Variants in TMED10 observed in about 807,000 individuals in gnomAD.
TMED10 encodes transmembrane emp24 domain-containing protein 10.
Under a neutral mutation model 23.1 loss-of-function variants are expected in TMED10, and 7 were observed. The ratio of observed to expected loss-of-function variants is 0.30; its 90% CI spans 0.17 to 0.57. TMED10 has a LOEUF of 0.57. TMED10 is among the 20% of genes least tolerant of loss of function. The pLI is 0.91. For missense variants in TMED10, 162 were observed against 274.8 expected (o/e 0.59, Z 2.90); for synonymous variants, 113 against 106.9 (o/e 1.06, Z -0.35).
chr14:75,164,185 C>G (rs1432114673), intron 1 of TMED10, among the ~76,000 whole-genome samples: 1 of 151,574 alleles, frequency 6.6e-6, no homozygotes, highest in South Asian at 2.1e-4. Context: ...TGTGCCTCAG[C>G]CTCCAGAGTA....
chr14:75,161,669 G>A (rs775614107), intron 1 of TMED10, among the ~76,000 whole-genome samples: 5 of 152,076 alleles, frequency 3.3e-5, no homozygotes, highest in Admixed American at 6.6e-5. Context: ...CTGATCTAAT[G>A]CAGAGGTGAG....
intron 1 of TMED10, among the ~76,000 whole-genome samples, chr14:75,175,497 A>T (rs1441042650): frequency 1.3e-5 from 2 of 152,042 alleles, no homozygotes; most frequent in Non-Finnish European, 2.9e-5. Flanking sequence ...AAGGACAGAA[A>T]ACCAAACACC....
At chr14:75,139,170 T>C (rs1255739238) in intron 3 of TMED10, 1 of 452,858 alleles carries the variant, frequency 2.2e-6, no homozygotes, top group Non-Finnish European at 4.4e-6. Context: ...TGAGACACTA[T>C]GCTTTTGTAT....
intron 1 of TMED10, among the ~76,000 whole-genome samples, chr14:75,164,432 C>A (rs546269137): frequency 9.4e-5 from 14 of 149,192 alleles, no homozygotes; most frequent in Admixed American, 8.1e-4. Context: ...AGGGTTTCAC[C>A]ATGTTGGCCA....
intron 1 of TMED10, among the ~76,000 whole-genome samples, chr14:75,164,568 TATA>T (rs1184205977): frequency 6.7e-3 from 20 of 2,988 alleles, no homozygotes; most frequent in Non-Finnish European, 0.012. Context: ...TATATATATA[TATA>T]TATATATTTT....
intron 3 of TMED10, 141 bp from the exon 4 acceptor site, chr14:75,136,027 T>C: frequency 7.2e-6 from 9 of 1,246,854 alleles, no homozygotes; most frequent in Non-Finnish European, 6.5e-6. Context: ...ATTTTAAAAT[T>C]TGGGCTTCTT....
intron 1 of TMED10, among the ~76,000 whole-genome samples, chr14:75,166,523 T>C (rs572417484): frequency 9.8e-5 from 15 of 152,314 alleles, no homozygotes; most frequent in African/African-American, 3.1e-4. Context: ...CATAAAGATA[T>C]GGTGTAGCAA....
chr14:75,160,147 C>T (rs1051422323), intron 1 of TMED10, among the ~76,000 whole-genome samples: 12 of 152,152 alleles, frequency 7.9e-5, no homozygotes, highest in African/African-American at 2.2e-4. Context: ...ACTCATATGG[C>T]CTGTTTGGGC....
chr14:75,166,096 G>GT (rs750752632), intron 1 of TMED10, among the ~76,000 whole-genome samples: 114 of 151,954 alleles, frequency 7.5e-4, no homozygotes, highest in Non-Finnish European at 1.0e-3. Context: ...CAGATCAAAT[G>GT]TTTTTTTTCA....
chr14:75,133,649 T>G lies in TMED10; in HGVS notation c.*1236A>C, dbSNP rs76633932. ...CCATACAACCCAACAGTTGCCCTTT[T>G]GAGCATTTATCCCAGAAAATGAAAA... is the stretch of plus-strand genomic sequence containing the variant. On this transcript the variant is annotated 3_prime_UTR_variant, in exon 5 of 5. Transcript: ENST00000303575. 3.9e-3 allele frequency: 601 copies of G among 155,916 alleles called. 2 individuals carry two copies. The highest frequency in any genetic ancestry group is 0.019 in the Middle Eastern group (9 of 466). The allele number at this position is 155,916 out of a possible 1,614,324, so 9.7% of individuals were successfully genotyped here.
intron 3 of TMED10, among the ~76,000 whole-genome samples, chr14:75,144,260 A>G (rs1895856442): frequency 6.6e-6 from 1 of 152,232 alleles, no homozygotes; most frequent in Non-Finnish European, 1.5e-5. Context: ...ACAGATGACA[A>G]ACTAAAAAGA....
intron 1 of TMED10, among the ~76,000 whole-genome samples, chr14:75,164,577 ATTTT>A (rs60845992): frequency 4.0e-4 from 18 of 45,082 alleles, no homozygotes; most frequent in African/African-American, 3.5e-3. Context: ...ATATATATAT[ATTTT>A]TTTTTTTTTT....
chr14:75,140,915 A>C (rs1004021971), intron 3 of TMED10, among the ~76,000 whole-genome samples: 2 of 152,176 alleles, frequency 1.3e-5, no homozygotes, highest in Non-Finnish European at 2.9e-5. Flanking sequence ...AGAAAAAAAA[A>C]CTTTATTGCA....
intron 1 of TMED10, among the ~76,000 whole-genome samples, chr14:75,171,558 A>G (rs981449409): frequency 6.6e-6 from 1 of 152,086 alleles, no homozygotes; most frequent in Non-Finnish European, 1.5e-5. Flanking sequence ...GGGATTACAG[A>G]CGAGAGCCAC....
At chr14:75,164,047 T>G (rs1282421341) in intron 1 of TMED10, among the ~76,000 whole-genome samples, 1 of 152,052 alleles carries the variant, frequency 6.6e-6, no homozygotes, top group African/African-American at 2.4e-5. Flanking sequence ...TCCATAAATA[T>G]TTAGGTCATT....
rs151214308 is a variant in TMED10 at position 75,173,183 on chromosome 14, C to T, written c.225+3172G>A. On this transcript the variant is annotated intron_variant, in intron 1 of 4. Transcript: ENST00000303575. ...GGCGGATCACTTGAGCCCAGGAGTTCGAGACCAGCCTGGGTAACATGGCGA... is the reference window on the plus strand; with the variant it reads ...GGCGGATCACTTGAGCCCAGGAGTTTGAGACCAGCCTGGGTAACATGGCGA... Among the ~76,000 whole-genome samples, 900 of 152,234 alleles carry T rather than the reference C, an allele frequency of 5.9e-3. 4 individuals carry two copies. The highest frequency in any genetic ancestry group is 0.018 in the South Asian group (86 of 4,828).
chr14:75,142,852 TTTTC>T (rs1381604700), intron 3 of TMED10, among the ~76,000 whole-genome samples: 9 of 152,032 alleles, frequency 5.9e-5, no homozygotes, highest in African/African-American at 2.2e-4. Context: ...CATTGATTTT[TTTTC>T]TTTCTTTTTT....
Position 75,138,919 on chromosome 14 carries a change from A to G in TMED10, c.412-3033T>C, listed in dbSNP as rs1895788527. On this transcript the variant is annotated intron_variant, in intron 3 of 4. Transcript: ENST00000303575. ...GATGGAATTAAACCTGGTACTGAAG[A>G]TGGCTTTTGTAGATTACAGCCCCCC... Among the ~76,000 whole-genome samples, 3 of 151,856 alleles carry G rather than the reference A, an allele frequency of 2.0e-5. No individual in the cohort carries two copies. In the South Asian group the frequency reaches 6.2e-4, roughly 32 times the overall value.
At chr14:75,144,382 C>A (rs1895857840) in intron 3 of TMED10, among the ~76,000 whole-genome samples, 1 of 152,186 alleles carries the variant, frequency 6.6e-6, no homozygotes, top group South Asian at 2.1e-4. Context: ...ATCAAAAGTG[C>A]TTTATTTCCG....
Sources: allele counts gnomAD v4.1 joint callset (sites outside exome capture counted in the v4.1 genomes callset), GRCh38; gene constraint gnomAD v4.1.1; transcripts MANE v1.5; gene names NCBI Gene and HGNC (gene_info 2026-07-23, HGNC 2026-07-21).